Variants in NXNL1 observed in about 807,000 individuals in gnomAD.
NXNL1 encodes the protein nucleoredoxin-like protein 1.
NXNL1 carries 6 observed loss-of-function variants against 7.2 expected under a neutral mutation model. The observed-to-expected ratio is 0.83, with a 90% CI of 0.46 to 1.64. The LOEUF (loss-of-function observed/expected upper bound fraction) is 1.64, where lower values mean the gene tolerates loss of function less well. Among genes scored for constraint, NXNL1 ranks in the 40% most tolerant of loss-of-function variants. The probability of loss-of-function intolerance (pLI) is 0.01; values close to 1 mark genes in which losing one functional copy is unlikely to be tolerated. For missense variants in NXNL1, 308 were observed against 285.1 expected, an observed-to-expected ratio of 1.08 and a Z score of -0.58; for synonymous variants, 133 against 127.2, an observed-to-expected ratio of 1.05 and a Z score of -0.31.
At chr19:17,459,655 T>G (rs2075005704) in intron 1 of NXNL1, among the ~76,000 whole-genome samples, 1 of 152,092 alleles carries the variant, frequency 6.6e-6, no homozygotes, top group Non-Finnish European at 1.5e-5. Context: ...TGACCTCAGG[T>G]GATCTGCTCA....
rs938402402 is a variant in NXNL1, at chr19:17,455,513, T to A, written c.*134A>T. On this transcript the variant is annotated 3_prime_UTR_variant, in exon 2 of 2. Coordinates refer to ENST00000301944, the MANE Select transcript of NXNL1 (RefSeq NM_138454.2). ...TCAGGGTCTCACTCTCTTGCCCAGGTTGATCTCGAACCTCTGGGCTCAAGC... is the reference window on the plus strand; with the variant it reads ...TCAGGGTCTCACTCTCTTGCCCAGGATGATCTCGAACCTCTGGGCTCAAGC... The A allele has an allele frequency of 1.6e-6, 1 of 620,156 alleles. No homozygotes were observed. The highest frequency in any genetic ancestry group is 1.8e-5 in the African/African-American group (1 of 54,066). The allele number at this position is 620,156 out of a possible 1,614,324, so 38.4% of individuals were successfully genotyped here.
chr19:17,459,486 C>T (rs556526918), intron 1 of NXNL1, among the ~76,000 whole-genome samples: 1 of 150,314 alleles, frequency 6.7e-6, no homozygotes, highest in Admixed American at 6.6e-5. Context: ...GGCACCATCT[C>T]GGATCACTGC....
chr19:17,460,131 C>T (rs555046087), intron 1 of NXNL1, among the ~76,000 whole-genome samples: 5 of 152,272 alleles, frequency 3.3e-5, no homozygotes, highest in African/African-American at 1.2e-4. Flanking sequence ...CTGCCTCAGC[C>T]TCCCAAGCAG....
chr19:17,456,339 T>G (rs922492840), intron 1 of NXNL1, among the ~76,000 whole-genome samples: 1 of 151,142 alleles, frequency 6.6e-6, no homozygotes, highest in East Asian at 1.9e-4. Flanking sequence ...AATAAATAAA[T>G]AAAGCAGGGT....
At position 17,460,537 on chromosome 19, in the gene NXNL1, T is replaced by G. The variant is rs55984737; in HGVS notation, c.326+7A>C. 9,528 of 1,599,722 alleles carry G rather than the reference T, an allele frequency of 6.0e-3. 57 individuals are homozygous for G. The highest frequency in any genetic ancestry group is 0.019 in the Middle Eastern group (115 of 6,058). On this transcript the variant is annotated splice_region_variant and intron_variant, in intron 1 of 1. Coordinates refer to ENST00000301944, the MANE Select transcript of NXNL1 (RefSeq NM_138454.2). The stretch of plus-strand genomic sequence containing the variant: ...TCCTCCAGGAAGCCCTCCCTGCCCC[T>G]CCTCACCTCCTCAGATCATCCTCAA...
chr19:17,455,819 G>A lies in NXNL1; in HGVS notation c.467C>T (p.Ala156Val). The A allele has an allele frequency of 6.3e-7, 1 of 1,575,808 alleles. No individual in the cohort carries two copies. Reference protein sequence around the residue: ...TACFANWQEAAEVLDRNFQLP... With the variant: ...TACFANWQEAVEVLDRNFQLP... ...CTGGAAGTTGCGGTCCAGCACCTCG[G>A]CCGCCTCCTGCCAGTTGGCGAAGCA... is the stretch of plus-strand genomic sequence containing the variant. Residue 156 changes from alanine to valine, a missense_variant, in exon 2 of 2, where the codon GCC becomes GTC. Physicochemically the swap from Ala to Val is moderately conservative, Grantham distance 64. Transcript: ENST00000301944.
intron 1 of NXNL1, among the ~76,000 whole-genome samples, chr19:17,457,522 C>T (rs2074997695): frequency 6.6e-6 from 1 of 152,038 alleles, no homozygotes; most frequent in South Asian, 2.1e-4. Flanking sequence ...CAGGCTCGTA[C>T]CACCACACCT....
In NXNL1 at chr19:17,455,674, C is replaced by CCCCCCCCCCCCCCCCCCCCGGG; in HGVS notation, c.611_612insCCCGGGGGGGGGGGGGGGGGGG (p.Glu204AspfsTer20). ...AGAACAGCCCCCCGGCCCCGCCCTC[C>CCCCCCCCCCCCCCCCCCCCGGG]TCCCCACCCCCTCCCCCGGGGTCGC... On this transcript the variant is annotated frameshift_variant, in exon 2 of 2. Coordinates refer to ENST00000301944, the MANE Select transcript of NXNL1 (RefSeq NM_138454.2). LOFTEE classifies it high-confidence loss of function. 1 of 1,151,446 alleles carries CCCCCCCCCCCCCCCCCCCCGGG rather than the reference C, an allele frequency of 8.7e-7. No homozygotes were observed. Among genetic ancestry groups the CCCCCCCCCCCCCCCCCCCCGGG allele is most frequent in the Non-Finnish European group, 1.2e-6 (1 of 815,624 alleles). 71.3% of individuals were successfully genotyped at this position (1,151,446 alleles called of 1,614,324 possible). A position where few individuals can be genotyped will look rare whatever the true frequency, so the allele number is the denominator to read the frequency against.
chr19:17,459,147 T>G (rs912874845), intron 1 of NXNL1, among the ~76,000 whole-genome samples: 1 of 152,178 alleles, frequency 6.6e-6, no homozygotes, highest in Non-Finnish European at 1.5e-5. Flanking sequence ...GAGGATCATG[T>G]CTATACTTGT....
rs79711612 is a variant in NXNL1 at position 17,456,307 on chromosome 19, C to CAAATAAATAAATAAATAAAT, written c.327-368_327-349dup. On this transcript the variant is annotated intron_variant, in intron 1 of 1. Transcript: ENST00000301944. ...TATTTGTAGTAAGACCCTGTCTCTACAAATAAATAAATAAATAAATAAATA... is the reference window on the plus strand; with the variant it reads ...TATTTGTAGTAAGACCCTGTCTCTACAAATAAATAAATAAATAAATAAATAAATAAATAAATAAATAAATA... 9.5e-3 allele frequency among the ~76,000 whole-genome samples: 1,336 copies of CAAATAAATAAATAAATAAAT among 140,468 alleles called. 14 individuals are homozygous for CAAATAAATAAATAAATAAAT. Among genetic ancestry groups the CAAATAAATAAATAAATAAAT allele is most frequent in the Non-Finnish European group, 9.6e-3 (625 of 65,154 alleles). 92.2% of individuals were successfully genotyped at this position (140,468 alleles called of 152,430 possible). A position where few individuals can be genotyped will look rare whatever the true frequency, so the allele number is the denominator to read the frequency against.
intron 1 of NXNL1, among the ~76,000 whole-genome samples, chr19:17,457,891 T>A (rs1198237707): frequency 6.6e-5 from 10 of 152,196 alleles, no homozygotes; most frequent in African/African-American, 2.4e-4. Context: ...GGATTCAGTG[T>A]CCAAACTCTG....
Position 17,455,607 on chromosome 19 carries a change from T to G in NXNL1, c.*40A>C, listed in dbSNP as rs1254248897. Reference sequence around the variant, plus strand: ...TGCGGGGGTGGGGTGGGGGTGGAGGTTCATCAACAAACCCCACTCCTCTCC... The same window carrying G: ...TGCGGGGGTGGGGTGGGGGTGGAGGGTCATCAACAAACCCCACTCCTCTCC... On this transcript the variant is annotated 3_prime_UTR_variant, in exon 2 of 2. Transcript: ENST00000301944. 4.1e-6 allele frequency: 5 copies of G among 1,226,012 alleles called. No homozygotes were observed. In the African/African-American group the frequency reaches 6.0e-5, roughly 15 times the overall value. 75.9% of individuals were successfully genotyped at this position (1,226,012 alleles called of 1,614,324 possible). A position where few individuals can be genotyped will look rare whatever the true frequency, so the allele number is the denominator to read the frequency against.
chr19:17,458,758 C>T lies in NXNL1; in HGVS notation c.326+1786G>A, dbSNP rs554363378. The stretch of plus-strand genomic sequence containing the variant: ...CTGGGACTACAGGTACCCAACACTA[C>T]GTCTGGCTAATTTTTGTATTTTTAG... On this transcript the variant is annotated intron_variant, in intron 1 of 1. Coordinates refer to ENST00000301944, the MANE Select transcript of NXNL1 (RefSeq NM_138454.2). 1.8e-4 allele frequency among the ~76,000 whole-genome samples: 28 copies of T among 151,706 alleles called. No homozygotes were observed. In the South Asian group the frequency reaches 2.5e-3, roughly 14 times the overall value.
rs759947009 is a variant in NXNL1, at chr19:17,455,883, G to A, written c.403C>T (p.Arg135Cys). The change falls in exon 2 of 2, where the codon CGC becomes TGC. Residue 135 changes from arginine to cysteine, a missense_variant. Physicochemically the swap from Arg to Cys is radical, Grantham distance 180. Transcript: ENST00000301944. ...VLKPDGDVLTRDGADEIQRLG... is the reference protein window; with the variant it reads ...VLKPDGDVLTCDGADEIQRLG... ...CGCTGGATCTCGTCGGCGCCGTCGC[G>A]AGTGAGCACGTCCCCGTCCGGCTTG... 4 of 1,592,264 alleles carry A rather than the reference G, an allele frequency of 2.5e-6. No individual in the cohort carries two copies. The Middle Eastern group carries it at 5.0e-4, about 198-fold the overall frequency.
chr19:17,456,065 T>G, intron 1 of NXNL1, 106 bp from the exon 2 acceptor site: 27 of 1,496,086 alleles, frequency 1.8e-5, no homozygotes, highest in Non-Finnish European at 1.6e-5. Flanking sequence ...CTGTGTGCAC[T>G]GCCTCTTGCC....
At chr19:17,459,303 A>G (rs570937119) in intron 1 of NXNL1, among the ~76,000 whole-genome samples, 4 of 152,276 alleles carry the variant, frequency 2.6e-5, no homozygotes, top group African/African-American at 9.6e-5. Flanking sequence ...GACAGCCTCC[A>G]AGCCTTTCTG....
rs781481744 is a variant in NXNL1 at position 17,455,914 on chromosome 19, C to T, written c.372G>A (p.Val124=). The part of the protein sequence containing the change: ...QFSVERLPAV[V]VLKPDGDVLT... ...GCACGTCCCCGTCCGGCTTGAGCAC[C>T]ACGACCGCCGGCAGGCGCTCCACTG... The change falls in exon 2 of 2, where the codon GTG becomes GTA. Residue 124 remains valine, a synonymous_variant. Coordinates refer to ENST00000301944, the MANE Select transcript of NXNL1 (RefSeq NM_138454.2). 44 of 1,595,516 alleles carry T rather than the reference C, an allele frequency of 2.8e-5. No homozygotes were observed. The highest frequency in any genetic ancestry group is 3.5e-5 in the Non-Finnish European group (41 of 1,178,392).
intron 1 of NXNL1, among the ~76,000 whole-genome samples, chr19:17,456,519 A>G (rs1022448753): frequency 1.3e-5 from 2 of 151,876 alleles, no homozygotes; most frequent in African/African-American, 4.8e-5. Flanking sequence ...AATAGAATAA[A>G]TAACATTCCA....
Position 17,455,446 on chromosome 19 carries a change from G to C in NXNL1, c.*201C>G, listed in dbSNP as rs1217970460. ...AGCCTTCAGGGTAGCTAAGCCACAGGTGCGCGCCACCACACCGGGCTAACT... is the reference window on the plus strand; with the variant it reads ...AGCCTTCAGGGTAGCTAAGCCACAGCTGCGCGCCACCACACCGGGCTAACT... On this transcript the variant is annotated 3_prime_UTR_variant, in exon 2 of 2. Coordinates refer to ENST00000301944, the MANE Select transcript of NXNL1 (RefSeq NM_138454.2). 6.9e-6 allele frequency: 4 copies of C among 579,690 alleles called. No individual in the cohort carries two copies. The African/African-American group carries it at 7.6e-5, about 11-fold the overall frequency. The allele number at this position is 579,690 out of a possible 1,614,324, so 35.9% of individuals were successfully genotyped here.
Sources: gnomAD v4.1 joint callset for allele counts (sites outside exome capture counted in the v4.1 genomes callset) on GRCh38, gnomAD v4.1.1 for gene constraint, MANE v1.5 for transcripts, NCBI Gene and HGNC (gene_info 2026-07-23, HGNC 2026-07-21) for gene names.